The following BPTF variants were observed in gnomAD, a reference collection of about 807,000 sequenced individuals.
The protein encoded by BPTF is bromodomain PHD finger transcription factor, also known as nucleosome-remodeling factor subunit BPTF.
Under a neutral mutation model 292.5 loss-of-function variants are expected in BPTF, and 18 were observed. The ratio of observed to expected loss-of-function variants is 0.06; its 90% CI spans 0.04 to 0.09. BPTF has a LOEUF of 0.09. Ranked by LOEUF, BPTF falls within the 10% of genes least tolerant of loss-of-function variation. BPTF has a pLI of 1.00. For synonymous variants in BPTF, 1,225 were observed against 1,251.9 expected (o/e 0.98, Z 0.45); for missense variants, 2,726 against 3,498.7 (o/e 0.78, Z 5.57).
chr17:67,891,910 C>CCAG lies in BPTF; in HGVS notation c.1931_1932insCAG (p.Ala644_Ser645insArg). 6.2e-7 allele frequency: 1 copy of CCAG among 1,612,098 alleles called. No individual in the cohort carries two copies. Among genetic ancestry groups the CCAG allele is most frequent in the Non-Finnish European group, 8.5e-7 (1 of 1,179,242 alleles). On this transcript the variant is annotated inframe_insertion, in exon 5 of 28. Coordinates refer to ENST00000306378, the MANE Select transcript of BPTF (RefSeq NM_182641.4). ...GAATCTCCTGGAGCTGGAAAAGGAG[C>CCAG]ATCTGGCTCAACTCGAATCATCACC...
intron 27 of BPTF, among the ~76,000 whole-genome samples, chr17:67,979,812 G>A (rs1232678533): frequency 2.8e-4 from 42 of 151,696 alleles, no homozygotes; most frequent in Admixed American, 1.8e-3. Context: ...AGGCCGAGGC[G>A]GGCGGATCAC....
At chr17:67,971,480 C>G (rs2068750506) in intron 26 of BPTF, among the ~76,000 whole-genome samples, 1 of 148,320 alleles carries the variant, frequency 6.7e-6, no homozygotes, top group Non-Finnish European at 1.5e-5. Context: ...GAGACGCTGT[C>G]TTTAAAAAAA....
At chr17:67,858,546 C>CTG (rs2058859708) in intron 2 of BPTF, among the ~76,000 whole-genome samples, 1 of 128,228 alleles carries the variant, frequency 7.8e-6, no homozygotes, top group African/African-American at 3.7e-5. Context: ...TGGAGTGAGA[C>CTG]TCTGTCTCCA....
chr17:67,976,034 C>T lies in BPTF; in HGVS notation c.8726+76C>T, dbSNP rs113013698. 2.2e-5 allele frequency: 26 copies of T among 1,184,916 alleles called. No homozygotes were observed. In the African/African-American group the frequency reaches 3.4e-4, roughly 16 times the overall value. 73.4% of individuals were successfully genotyped at this position (1,184,916 alleles called of 1,614,324 possible). ...TATACTATTCTGTCTAACGATTCAA[C>T]CAGTGCAGTTTATGGTAAATTTAAC... On this transcript the variant is annotated intron_variant, in intron 27 of 27. Transcript: ENST00000306378.
chr17:67,964,813 C>G (rs564551051), intron 25 of BPTF, among the ~76,000 whole-genome samples: 2 of 149,308 alleles, frequency 1.3e-5, no homozygotes, highest in Non-Finnish European at 3.0e-5. Flanking sequence ...TCCTGGCTAA[C>G]ACGGTGAAAC....
chr17:67,959,520 A>G (rs1038197488), intron 23 of BPTF, 21 bp from the exon 24 acceptor site: 1 of 1,500,120 alleles, frequency 6.7e-7, no homozygotes, highest in Non-Finnish European at 8.9e-7. Flanking sequence ...ATAGTCTTGT[A>G]TTGTCTTTAA....
intron 26 of BPTF, among the ~76,000 whole-genome samples, chr17:67,970,664 G>A (rs782541649): frequency 1.3e-5 from 2 of 152,068 alleles, no homozygotes; most frequent in Non-Finnish European, 2.9e-5. Context: ...GGATATAAGG[G>A]AACCAACAAA....
At chr17:67,909,439 G>A (rs1452172607) in intron 9 of BPTF, 143 bp from the exon 10 acceptor site, 1 of 599,286 alleles carries the variant, frequency 1.7e-6, no homozygotes, top group Admixed American at 3.7e-5. Context: ...TACTCAATAA[G>A]ACCTTTGTCT....
chr17:67,870,136 C>T (rs905805143), intron 3 of BPTF, among the ~76,000 whole-genome samples: 1 of 152,052 alleles, frequency 6.6e-6, no homozygotes, highest in Admixed American at 6.6e-5. Context: ...TGTGAGATTG[C>T]CTTGCAACCT....
At chr17:67,828,420 A>G (rs1365306212) in intron 1 of BPTF, among the ~76,000 whole-genome samples, 1 of 152,224 alleles carries the variant, frequency 6.6e-6, no homozygotes, top group East Asian at 1.9e-4. Context: ...TCGAAGGCAT[A>G]GCAAATAATA....
intron 27 of BPTF, 129 bp from the exon 28 acceptor site, chr17:67,982,123 G>A (rs781870914): frequency 8.2e-5 from 67 of 821,182 alleles, no homozygotes; most frequent in African/African-American, 8.0e-4. Flanking sequence ...TTTTCTATTC[G>A]CTTGCCAAGG....
At chr17:67,856,650 C>T (rs1019019576) in intron 2 of BPTF, among the ~76,000 whole-genome samples, 6 of 152,078 alleles carry the variant, frequency 3.9e-5, no homozygotes, top group Non-Finnish European at 8.8e-5. Flanking sequence ...GGTCTGTCCT[C>T]GAGAGTAAGC....
chr17:67,875,887 C>A (rs1361349703), intron 4 of BPTF: 2 of 627,908 alleles, frequency 3.2e-6, no homozygotes, highest in African/African-American at 1.9e-5. Context: ...GCTAAATTGT[C>A]ACCTAACATT....
chr17:67,864,242 T>G (rs1342674829), intron 2 of BPTF, among the ~76,000 whole-genome samples: 1 of 152,130 alleles, frequency 6.6e-6, no homozygotes, highest in Non-Finnish European at 1.5e-5. Flanking sequence ...AAACAACTTT[T>G]CAGCCCGGTG....
intron 1 of BPTF, among the ~76,000 whole-genome samples, chr17:67,830,960 A>G (rs755701288): frequency 1.3e-5 from 2 of 152,134 alleles, no homozygotes; most frequent in Non-Finnish European, 2.9e-5. Flanking sequence ...CTGTTGAACC[A>G]CTGGTGTAGC....
chr17:67,971,107 T>C (rs1320898628), intron 26 of BPTF, among the ~76,000 whole-genome samples: 2 of 151,560 alleles, frequency 1.3e-5, no homozygotes, highest in Non-Finnish European at 2.9e-5. Context: ...GTTTGTTTTT[T>C]GAGATGGACC....
In BPTF at chr17:67,982,338, G is replaced by T; in HGVS notation, c.*50G>T. 1 of 1,542,244 alleles carries T rather than the reference G, an allele frequency of 6.5e-7. No homozygotes were observed. Among genetic ancestry groups the T allele is most frequent in the South Asian group, 1.1e-5 (1 of 87,970 alleles). ...AAACACAGCAAGAATCTGGTTGTCT[G>T]AACTATTTTAAATTAAGGAGCCAGA... On this transcript the variant is annotated 3_prime_UTR_variant, in exon 28 of 28. Coordinates refer to ENST00000306378, the MANE Select transcript of BPTF (RefSeq NM_182641.4).
chr17:67,864,595 C>G (rs1158928761), intron 2 of BPTF, among the ~76,000 whole-genome samples: 1 of 150,742 alleles, frequency 6.6e-6, no homozygotes, highest in East Asian at 1.9e-4. Context: ...AAACCCCCAA[C>G]TTTTCTTTGA....
intron 3 of BPTF, among the ~76,000 whole-genome samples, chr17:67,869,176 G>A (rs572985851): frequency 2.0e-5 from 3 of 152,072 alleles, no homozygotes; most frequent in African/African-American, 7.2e-5. Flanking sequence ...TTGCTCTCCT[G>A]TGTTTTAGTA....
Sources: allele counts gnomAD v4.1 joint callset (sites outside exome capture counted in the v4.1 genomes callset), GRCh38; gene constraint gnomAD v4.1.1; transcripts MANE v1.5; gene names NCBI Gene and HGNC (gene_info 2026-07-23, HGNC 2026-07-21).